Variants in NKAIN2 observed in about 807,000 individuals in gnomAD.
NKAIN2 encodes sodium/potassium transporting ATPase interacting 2.
Under a neutral mutation model 32.6 loss-of-function variants are expected in NKAIN2, and 14 were observed. That is an observed-to-expected ratio of 0.43 (90% CI 0.28 to 0.67). The LOEUF is 0.67. Among genes scored for constraint, NKAIN2 ranks in the 30% least tolerant of loss-of-function variants. NKAIN2 has a pLI of 0.17. For synonymous variants in NKAIN2, 80 were observed against 87.2 expected, an observed-to-expected ratio of 0.92 and a Z score of 0.46; for missense variants, 198 against 258.3, an observed-to-expected ratio of 0.77 and a Z score of 1.60.
intron 1 of NKAIN2, among the ~76,000 whole-genome samples, chr6:124,236,703 G>T (rs1009731164): frequency 3.9e-5 from 6 of 152,042 alleles, no homozygotes; most frequent in Admixed American, 2.0e-4. Flanking sequence ...TAACAATCTG[G>T]TTTGGGCAGG....
intron 2 of NKAIN2, among the ~76,000 whole-genome samples, chr6:124,312,568 G>A (rs1796766970): frequency 6.6e-6 from 1 of 152,152 alleles, no homozygotes; most frequent in African/African-American, 2.4e-5. Flanking sequence ...GCAGGGTGTG[G>A]GGGAAGGAGC....
chr6:124,715,476 C>A (rs1035109928), intron 4 of NKAIN2, among the ~76,000 whole-genome samples: 1 of 152,182 alleles, frequency 6.6e-6, no homozygotes, highest in Non-Finnish European at 1.5e-5. Flanking sequence ...CCACTCTCCC[C>A]TGAGCCACTC....
At chr6:124,557,631 A>G (rs1780525831) in intron 3 of NKAIN2, among the ~76,000 whole-genome samples, 1 of 152,218 alleles carries the variant, frequency 6.6e-6, no homozygotes, top group Admixed American at 6.5e-5. Context: ...ACGTTTTCAC[A>G]GAATTCTGTT....
At chr6:124,115,014 A>G (rs1785543895) in intron 1 of NKAIN2, among the ~76,000 whole-genome samples, 1 of 152,132 alleles carries the variant, frequency 6.6e-6, no homozygotes, top group South Asian at 2.1e-4. Context: ...CAATTGGAAA[A>G]GCTTTTTAAA....
At chr6:124,085,141 AAAATAGATTTTG>A (rs1784136263) in intron 1 of NKAIN2, among the ~76,000 whole-genome samples, 2 of 152,022 alleles carry the variant, frequency 1.3e-5, no homozygotes, top group African/African-American at 4.8e-5. Context: ...TTGTCTTTTT[AAAATAGATTTTG>A]ATTACATCTC....
chr6:124,437,906 A>G (rs765392576), intron 3 of NKAIN2: 1 of 383,148 alleles, frequency 2.6e-6, no homozygotes, highest in South Asian at 1.8e-5. Flanking sequence ...ACCCCAGGTA[A>G]CGGTCTGATG....
chr6:124,791,513 A>G, intron 5 of NKAIN2, 114 bp downstream of exon 5: 1 of 603,702 alleles, frequency 1.7e-6, no homozygotes, highest in South Asian at 3.3e-5. Flanking sequence ...ATTAGAATGG[A>G]AAATAAGCCT....
At chr6:124,028,509 G>C (rs1291480261) in intron 1 of NKAIN2, among the ~76,000 whole-genome samples, 1 of 151,304 alleles carries the variant, frequency 6.6e-6, no homozygotes. Flanking sequence ...ACCTGCCCAT[G>C]TACCCTAAAA....
At chr6:124,507,318 A>G (rs1023009731) in intron 3 of NKAIN2, among the ~76,000 whole-genome samples, 8 of 152,200 alleles carry the variant, frequency 5.3e-5, no homozygotes, top group African/African-American at 1.7e-4. Context: ...CAGTTTTCTC[A>G]GAACAAGTAA....
intron 1 of NKAIN2, among the ~76,000 whole-genome samples, chr6:124,143,398 TG>T (rs749702788): frequency 9.9e-5 from 15 of 152,184 alleles, no homozygotes; most frequent in Non-Finnish European, 1.9e-4. Context: ...AGTTTGAGGC[TG>T]CAGTGAGTTA....
intron 1 of NKAIN2, among the ~76,000 whole-genome samples, chr6:124,139,689 A>G (rs1256342503): frequency 6.6e-6 from 1 of 152,156 alleles, no homozygotes; most frequent in Non-Finnish European, 1.5e-5. Flanking sequence ...ATATTAAAAT[A>G]TTCTCCTATA....
chr6:124,680,089 A>C (rs1202198993), intron 4 of NKAIN2, among the ~76,000 whole-genome samples: 1 of 152,204 alleles, frequency 6.6e-6, no homozygotes, highest in Non-Finnish European at 1.5e-5. Context: ...AATAATAACA[A>C]ATTGTTGTTT....
intron 3 of NKAIN2, among the ~76,000 whole-genome samples, chr6:124,383,576 G>T (rs1772747607): frequency 1.3e-5 from 2 of 152,258 alleles, no homozygotes; most frequent in Admixed American, 1.3e-4. Flanking sequence ...CACACGTGCT[G>T]TTCCCTCAGC....
intron 5 of NKAIN2, among the ~76,000 whole-genome samples, chr6:124,792,332 G>T (rs897818971): frequency 6.6e-6 from 1 of 152,130 alleles, no homozygotes; most frequent in Non-Finnish European, 1.5e-5. Flanking sequence ...ATACTGGAAA[G>T]GAAGAGGCAA....
At chr6:124,403,499 A>T (rs2114465279) in intron 3 of NKAIN2, among the ~76,000 whole-genome samples, 1 of 152,282 alleles carries the variant, frequency 6.6e-6, no homozygotes, top group Admixed American at 6.5e-5. Flanking sequence ...TTATTTCAGC[A>T]TAGTCAATCA....
intron 1 of NKAIN2, 59 bp downstream of exon 1, chr6:123,804,313 A>T: frequency 7.2e-7 from 1 of 1,379,522 alleles, no homozygotes; most frequent in South Asian, 1.2e-5. Flanking sequence ...TGGGCAGGGG[A>T]GTGCAGCAAA....
chr6:124,612,176 A>G (rs548206423), intron 3 of NKAIN2, among the ~76,000 whole-genome samples: 1 of 151,486 alleles, frequency 6.6e-6, no homozygotes, highest in Admixed American at 6.6e-5. Flanking sequence ...TATTTGAATC[A>G]CTCTATGTTT....
chr6:124,361,944 A>T (rs187111225), intron 3 of NKAIN2, among the ~76,000 whole-genome samples: 12 of 152,246 alleles, frequency 7.9e-5, no homozygotes, highest in Middle Eastern at 3.4e-3. Flanking sequence ...AATAAAACCA[A>T]TGCTTGTATC....
intron 1 of NKAIN2, among the ~76,000 whole-genome samples, chr6:123,860,394 C>T (rs564590073): frequency 6.6e-5 from 10 of 152,176 alleles, no homozygotes; most frequent in South Asian, 2.1e-4. Flanking sequence ...GTGTTCCTAG[C>T]GTTTAAAGTA....
Sources: gnomAD v4.1 joint callset for allele counts (sites outside exome capture counted in the v4.1 genomes callset) on GRCh38, gnomAD v4.1.1 for gene constraint, MANE v1.5 for transcripts, NCBI Gene and HGNC (gene_info 2026-07-23, HGNC 2026-07-21) for gene names.